PLCL2: variants seen among roughly 807,000 people sequenced by gnomAD.
PLCL2 encodes the protein phospholipase C like 2, also known as inactive phospholipase C-like protein 2.
A neutral mutation model predicts 79.6 loss-of-function variants in PLCL2; 4 were observed. That is an observed-to-expected ratio of 0.05 (90% CI 0.02 to 0.11). PLCL2 has a LOEUF of 0.11. Ranked by LOEUF, PLCL2 falls within the 10% of genes least tolerant of loss-of-function variation. The pLI is 1.00. For missense variants in PLCL2, 895 were observed against 1,291.0 expected (o/e 0.69, Z 4.70); for synonymous variants, 484 against 457.7 (o/e 1.06, Z -0.73).
At chr3:17,024,505 T>C (rs1234999602) in intron 3 of PLCL2, among the ~76,000 whole-genome samples, 1 of 152,184 alleles carries the variant, frequency 6.6e-6, no homozygotes, top group Non-Finnish European at 1.5e-5. Context: ...GTATCTTAAA[T>C]TGTGTAATTA....
At chr3:16,956,378 C>T (rs1446026174) in intron 1 of PLCL2, among the ~76,000 whole-genome samples, 1 of 152,114 alleles carries the variant, frequency 6.6e-6, no homozygotes, top group Non-Finnish European at 1.5e-5. Context: ...GGGGATGAAG[C>T]CCACTTGATC....
chr3:17,077,956 C>T (rs1156258080), intron 5 of PLCL2, among the ~76,000 whole-genome samples: 1 of 152,192 alleles, frequency 6.6e-6, no homozygotes. Flanking sequence ...CTGGCTGGCT[C>T]GTTCTGTTCA....
intron 1 of PLCL2, among the ~76,000 whole-genome samples, chr3:16,964,034 T>G (rs1291209993): frequency 6.6e-6 from 1 of 152,126 alleles, no homozygotes; most frequent in Non-Finnish European, 1.5e-5. Context: ...TATTATTATT[T>G]TATTATACTT....
In PLCL2 at chr3:17,089,843, T is replaced by C; in HGVS notation, c.3315T>C (p.Ala1105=). The stretch of plus-strand genomic sequence containing the variant: ...TGAATAAACCAGGCACCGAAAATGC[T>C]GATGTCCAGAAGCCACGCCGGAGCT... ...CGLNKPGTEN[A]DVQKPRRSLE... is the part of the protein sequence containing the mutation. Residue 1105 remains alanine, a synonymous_variant, in exon 6 of 6, where the codon GCT becomes GCC. Coordinates refer to ENST00000615277, the MANE Select transcript of PLCL2 (RefSeq NM_001144382.2). 1 of 1,614,134 alleles carries C rather than the reference T, an allele frequency of 6.2e-7. No homozygotes were observed. Among genetic ancestry groups the C allele is most frequent in the Non-Finnish European group, 8.5e-7 (1 of 1,179,996 alleles).
At chr3:16,961,737 C>T (rs895160488) in intron 1 of PLCL2, among the ~76,000 whole-genome samples, 2 of 152,140 alleles carry the variant, frequency 1.3e-5, no homozygotes, top group African/African-American at 4.8e-5. Context: ...AAGTAAGAGA[C>T]AGGCTCATTG....
At chr3:16,918,132 C>T (rs1367657810) in intron 1 of PLCL2, among the ~76,000 whole-genome samples, 1 of 152,042 alleles carries the variant, frequency 6.6e-6, no homozygotes, top group Non-Finnish European at 1.5e-5. Context: ...TGGTTCATAC[C>T]CTTAATCTGA....
chr3:16,955,937 A>G (rs1050052765), intron 1 of PLCL2, among the ~76,000 whole-genome samples: 41 of 152,302 alleles, frequency 2.7e-4, no homozygotes, highest in African/African-American at 7.9e-4. Flanking sequence ...GGCTGAGACA[A>G]TGGGGTTTTC....
chr3:16,981,120 AC>A (rs2063991748), intron 1 of PLCL2, among the ~76,000 whole-genome samples: 2 of 150,876 alleles, frequency 1.3e-5, no homozygotes, highest in African/African-American at 2.5e-5. Context: ...TCAGAGGGAG[AC>A]CGTGGAAAGA....
chr3:16,900,919 G>A (rs62247715), intron 1 of PLCL2, among the ~76,000 whole-genome samples: 124,105 of 152,180 alleles, frequency 0.82, 50,952 homozygotes, highest in East Asian at 0.95. Flanking sequence ...CTTCAAAAAT[G>A]GAAACTCAGT....
chr3:17,004,855 C>A (rs1241391004), intron 1 of PLCL2, among the ~76,000 whole-genome samples: 1 of 152,038 alleles, frequency 6.6e-6, no homozygotes, highest in Admixed American at 6.6e-5. Flanking sequence ...AATTCTAAAT[C>A]CCCCTTGATA....
intron 1 of PLCL2, among the ~76,000 whole-genome samples, chr3:16,912,152 C>T (rs1696897072): frequency 6.6e-6 from 1 of 152,092 alleles, no homozygotes; most frequent in South Asian, 2.1e-4. Flanking sequence ...GTCACCCTCC[C>T]CAGTGGTTTA....
rs568679558 is a variant in PLCL2, at chr3:16,890,931, G to T, written c.327+5565G>T. 7.2e-5 allele frequency among the ~76,000 whole-genome samples: 11 copies of T among 152,310 alleles called. No homozygotes were observed. The East Asian group carries it at 2.1e-3, about 29-fold the overall frequency. ...GAGCTTCAGCAACAATTATGTGAAT[G>T]GTCCAGCCTTCTGGCAGGACACTTG... On this transcript the variant is annotated intron_variant, in intron 1 of 5. Coordinates refer to ENST00000615277, the MANE Select transcript of PLCL2 (RefSeq NM_001144382.2).
rs759121819 is a variant in PLCL2 at position 16,904,319 on chromosome 3, C to CAAAAAAAAAAAAAAAAAAAAAAAA, written c.327+18956_327+18957insAAAAAAAAAAAAAAAAAAAAAAAA. 7.3e-5 allele frequency among the ~76,000 whole-genome samples: 10 copies of CAAAAAAAAAAAAAAAAAAAAAAAA among 137,262 alleles called. 1 individual carries two copies. Among genetic ancestry groups the CAAAAAAAAAAAAAAAAAAAAAAAA allele is most frequent in the Middle Eastern group, 3.6e-3 (1 of 276 alleles). The allele number at this position is 137,262 out of a possible 152,430, so 90.0% of individuals were successfully genotyped here. A position where few individuals can be genotyped will look rare whatever the true frequency, so the allele number is the denominator to read the frequency against. On this transcript the variant is annotated intron_variant, in intron 1 of 5. Coordinates refer to ENST00000615277, the MANE Select transcript of PLCL2 (RefSeq NM_001144382.2). ...AAGAGATCTTGACAAAAAAAAAAAG[C>CAAAAAAAAAAAAAAAAAAAAAAAA]AAACTTTGGAGTTCATTTTGTTAAC...
chr3:16,918,930 A>G (rs553390530), intron 1 of PLCL2, among the ~76,000 whole-genome samples: 3 of 152,286 alleles, frequency 2.0e-5, no homozygotes, highest in East Asian at 3.9e-4. Flanking sequence ...GCATGTATAA[A>G]CTTGTATCCA....
intron 5 of PLCL2, among the ~76,000 whole-genome samples, chr3:17,075,410 T>A (rs9820179): frequency 7.9e-5 from 12 of 151,990 alleles, no homozygotes; most frequent in African/African-American, 2.4e-4. Context: ...ATAACTAATA[T>A]AATAATAGTG....
At chr3:17,073,559 T>C (rs2065081365) in intron 5 of PLCL2, among the ~76,000 whole-genome samples, 1 of 152,204 alleles carries the variant, frequency 6.6e-6, no homozygotes, top group Non-Finnish European at 1.5e-5. Context: ...ACTGATGGAC[T>C]CTTTGTTTCA....
chr3:17,042,675 A>T, intron 3 of PLCL2, 199 bp from the exon 4 acceptor site: 1 of 520,870 alleles, frequency 1.9e-6, no homozygotes, highest in Non-Finnish European at 3.5e-6. Context: ...TACTATTCAC[A>T]TCTTGTTTTA....
intron 3 of PLCL2, among the ~76,000 whole-genome samples, chr3:17,042,365 A>G (rs1473776203): frequency 6.6e-6 from 1 of 152,238 alleles, no homozygotes; most frequent in Non-Finnish European, 1.5e-5. Context: ...CTAGTTTTAG[A>G]GGTACTATTA....
intron 3 of PLCL2, among the ~76,000 whole-genome samples, chr3:17,036,290 T>TGACTTATATATA (rs2064654885): frequency 6.6e-6 from 1 of 152,202 alleles, no homozygotes; most frequent in Admixed American, 6.5e-5. Flanking sequence ...TATTTCAGTG[T>TGACTTATATATA]AAATTTGTGA....
Sources: allele counts gnomAD v4.1 joint callset (sites outside exome capture counted in the v4.1 genomes callset), GRCh38; gene constraint gnomAD v4.1.1; transcripts MANE v1.5; gene names NCBI Gene and HGNC (gene_info 2026-07-23, HGNC 2026-07-21).